ARHGAP10: variants seen among roughly 807,000 people sequenced by gnomAD.
The protein encoded by ARHGAP10 is rho GTPase-activating protein 10.
ARHGAP10 carries 87 observed loss-of-function variants against 108.6 expected under a neutral mutation model. The observed-to-expected ratio is 0.80, with a 90% CI of 0.67 to 0.96. The LOEUF (loss-of-function observed/expected upper bound fraction) is 0.96. ARHGAP10 is among the 40% of genes least tolerant of loss of function. ARHGAP10 has a pLI of 0.00. For synonymous variants in ARHGAP10, 347 were observed against 341.1 expected, an observed-to-expected ratio of 1.02 and a Z score of -0.19; for missense variants, 939 against 954.5, an observed-to-expected ratio of 0.98 and a Z score of 0.21.
At chr4:147,977,588 A>G (rs1425895195) in intron 18 of ARHGAP10, among the ~76,000 whole-genome samples, 1 of 152,194 alleles carries the variant, frequency 6.6e-6, no homozygotes, top group East Asian at 1.9e-4. Context: ...TTAGTATAAT[A>G]TGGCATAGTA....
chr4:148,059,125 C>T (rs759004940), intron 20 of ARHGAP10, among the ~76,000 whole-genome samples: 4 of 152,188 alleles, frequency 2.6e-5, no homozygotes, highest in Admixed American at 6.5e-5. Flanking sequence ...GAAAGAAGGA[C>T]GGTGATGTTG....
chr4:147,843,380 G>A (rs759646333), intron 3 of ARHGAP10, among the ~76,000 whole-genome samples: 1 of 152,094 alleles, frequency 6.6e-6, no homozygotes, highest in Non-Finnish European at 1.5e-5. Flanking sequence ...TTTGAGGAAG[G>A]GTTGTTCCCC....
chr4:147,940,543 C>T (rs1738130921), intron 14 of ARHGAP10, among the ~76,000 whole-genome samples: 1 of 152,210 alleles, frequency 6.6e-6, no homozygotes, highest in East Asian at 1.9e-4. Context: ...CTCCACTTCT[C>T]CCCCACCCCA....
chr4:147,840,299 A>G (rs1019109246), intron 3 of ARHGAP10, among the ~76,000 whole-genome samples: 2 of 152,144 alleles, frequency 1.3e-5, no homozygotes, highest in East Asian at 1.9e-4. Flanking sequence ...CTTTAAGCAA[A>G]TCAGAATGAT....
In ARHGAP10 at chr4:147,947,169, A is replaced by G. The variant is rs1397343738; in HGVS notation, c.1391+465A>G. ...TTTAAGATAAAGTTGTTTTCTATTTATAATAGAAAACATTTAGGACTAGAG... is the reference window on the plus strand; with the variant it reads ...TTTAAGATAAAGTTGTTTTCTATTTGTAATAGAAAACATTTAGGACTAGAG... On this transcript the variant is annotated intron_variant, in intron 15 of 22. Transcript: ENST00000336498. Among the ~76,000 whole-genome samples the G allele has an allele frequency of 4.0e-5, 6 of 151,440 alleles. No individual in the cohort carries two copies. In the East Asian group the frequency reaches 9.7e-4, roughly 24 times the overall value.
intron 8 of ARHGAP10, 85 bp from the exon 9 acceptor site, chr4:147,879,147 C>G (rs954544494): frequency 5.7e-6 from 6 of 1,060,136 alleles, no homozygotes; most frequent in Non-Finnish European, 6.9e-6. Context: ...GCGTTTTAGA[C>G]ATTTCCTCTT....
intron 4 of ARHGAP10, among the ~76,000 whole-genome samples, chr4:147,849,567 T>C (rs1165338860): frequency 1.3e-5 from 2 of 152,222 alleles, no homozygotes; most frequent in Admixed American, 1.3e-4. Flanking sequence ...CACATCAGAA[T>C]TTTTAGATAT....
intron 20 of ARHGAP10, among the ~76,000 whole-genome samples, chr4:148,056,139 ACT>A (rs1427643927): frequency 1.3e-5 from 2 of 152,092 alleles, no homozygotes; most frequent in African/African-American, 4.8e-5. Context: ...TGAAGTATTT[ACT>A]CTCTGGCCCT....
At chr4:147,792,192 T>A (rs1041180548) in intron 1 of ARHGAP10, among the ~76,000 whole-genome samples, 7 of 152,226 alleles carry the variant, frequency 4.6e-5, no homozygotes, top group Non-Finnish European at 1.0e-4. Flanking sequence ...TTTTCCAGTA[T>A]TTTGTATTGT....
intron 13 of ARHGAP10, among the ~76,000 whole-genome samples, chr4:147,933,746 G>C (rs1218333031): frequency 6.6e-6 from 1 of 152,158 alleles, no homozygotes; most frequent in African/African-American, 2.4e-5. Context: ...CTCCCAGCAG[G>C]TCTCTGCATG....
chr4:147,821,278 G>A (rs1732490868), intron 1 of ARHGAP10, among the ~76,000 whole-genome samples: 1 of 152,204 alleles, frequency 6.6e-6, no homozygotes, highest in Admixed American at 6.5e-5. Flanking sequence ...ACTAGCCCAG[G>A]TTCAAGGGGT....
At chr4:147,917,742 C>G (rs1737048358) in intron 13 of ARHGAP10, among the ~76,000 whole-genome samples, 1 of 152,136 alleles carries the variant, frequency 6.6e-6, no homozygotes, top group South Asian at 2.1e-4. Context: ...AAATATTTGA[C>G]TTTGAAATTA....
At chr4:147,806,425 T>A (rs890262205) in intron 1 of ARHGAP10, among the ~76,000 whole-genome samples, 9 of 151,426 alleles carry the variant, frequency 5.9e-5, no homozygotes, top group Non-Finnish European at 1.0e-4. Flanking sequence ...AATATATAAT[T>A]CATTATTAAT....
intron 18 of ARHGAP10, among the ~76,000 whole-genome samples, chr4:148,005,103 C>T (rs878976747): frequency 6.6e-6 from 1 of 152,216 alleles, no homozygotes; most frequent in Non-Finnish European, 1.5e-5. Flanking sequence ...ACACTTCAGG[C>T]ACACTGGCCT....
At chr4:147,840,244 A>C (rs1733357015) in intron 3 of ARHGAP10, among the ~76,000 whole-genome samples, 1 of 152,036 alleles carries the variant, frequency 6.6e-6, no homozygotes, top group Admixed American at 6.6e-5. Context: ...GGAAACCCAA[A>C]TCTGCTACTC....
chr4:147,933,341 C>T (rs973525250), intron 13 of ARHGAP10, among the ~76,000 whole-genome samples: 1 of 152,178 alleles, frequency 6.6e-6, no homozygotes, highest in Non-Finnish European at 1.5e-5. Context: ...CAGTCCTTCT[C>T]CCTCAGCCTC....
intron 1 of ARHGAP10, among the ~76,000 whole-genome samples, chr4:147,768,966 G>C (rs1242489810): frequency 2.0e-5 from 3 of 152,054 alleles, no homozygotes. Context: ...TTGAACTCCT[G>C]ACTTCAAGTG....
At chr4:148,033,178 A>G (rs1452631671) in intron 19 of ARHGAP10, among the ~76,000 whole-genome samples, 1 of 152,164 alleles carries the variant, frequency 6.6e-6, no homozygotes, top group Non-Finnish European at 1.5e-5. Flanking sequence ...TTATGTCAGT[A>G]CAAAGAGAGC....
intron 1 of ARHGAP10, among the ~76,000 whole-genome samples, chr4:147,794,992 A>G (rs1463978160): frequency 6.6e-6 from 1 of 152,206 alleles, no homozygotes; most frequent in African/African-American, 2.4e-5. Context: ...AGTTGACTAT[A>G]GTCAGTTCCA....
Sources: allele counts gnomAD v4.1 joint callset (sites outside exome capture counted in the v4.1 genomes callset), GRCh38; gene constraint gnomAD v4.1.1; transcripts MANE v1.5; gene names NCBI Gene and HGNC (gene_info 2026-07-23, HGNC 2026-07-21).